PCDH15: variants seen among roughly 807,000 people sequenced by gnomAD.
The protein encoded by PCDH15 is protocadherin related 15.
In PCDH15, 129 loss-of-function variants were observed where a neutral mutation model predicts 178.5. The ratio of observed to expected loss-of-function variants is 0.72; its 90% CI spans 0.63 to 0.84. PCDH15 has a LOEUF of 0.84. PCDH15 is among the 40% of genes least tolerant of loss of function. The pLI, the probability that PCDH15 is intolerant of heterozygous loss-of-function variation, is 0.00. For missense variants in PCDH15, 2,230 were observed against 2,099.9 expected (o/e 1.06, Z -1.21); for synonymous variants, 800 against 732.0 (o/e 1.09, Z -1.50).
chr10:55,277,386 G>A (rs565151846), intron 1 of PCDH15, among the ~76,000 whole-genome samples: 1 of 151,948 alleles, frequency 6.6e-6, no homozygotes, highest in African/African-American at 2.4e-5. Context: ...AAGAGGAATG[G>A]TTTCTGAAAT....
At chr10:55,440,576 G>T (rs1285335630) in intron 2 of PCDH15, among the ~76,000 whole-genome samples, 1 of 152,102 alleles carries the variant, frequency 6.6e-6, no homozygotes, top group Admixed American at 6.6e-5. Flanking sequence ...CAGAAAAGAA[G>T]TCAGAAATGT....
intron 1 of PCDH15, among the ~76,000 whole-genome samples, chr10:55,314,958 A>G (rs182178075): frequency 6.6e-6 from 1 of 152,268 alleles, no homozygotes; most frequent in Non-Finnish European, 1.5e-5. Flanking sequence ...AACATACTAT[A>G]AATACCTGGT....
At chr10:54,404,887 G>A (rs1184788905) in intron 3 of PCDH15, among the ~76,000 whole-genome samples, 1 of 151,896 alleles carries the variant, frequency 6.6e-6, no homozygotes, top group African/African-American at 2.4e-5. Context: ...ACAAGCGTAT[G>A]GAAAAAAATC....
chr10:53,956,125 T>C (rs1242323613), intron 23 of PCDH15, among the ~76,000 whole-genome samples: 3 of 152,182 alleles, frequency 2.0e-5, no homozygotes, highest in Non-Finnish European at 4.4e-5. Context: ...TGGAAACTAA[T>C]AAAATGTTGA....
At chr10:54,931,437 C>G (rs1837773429) in intron 2 of PCDH15, among the ~76,000 whole-genome samples, 1 of 152,192 alleles carries the variant, frequency 6.6e-6, no homozygotes, top group African/African-American at 2.4e-5. Context: ...CTACTCCACA[C>G]TAGTGGGCAA....
chr10:54,739,868 A>G (rs1944567298), intron 1 of PCDH15, among the ~76,000 whole-genome samples: 1 of 152,100 alleles, frequency 6.6e-6, no homozygotes, highest in Non-Finnish European at 1.5e-5. Flanking sequence ...CTCTTACTAC[A>G]TACAAAAATC....
intron 21 of PCDH15, among the ~76,000 whole-genome samples, chr10:53,983,161 T>C (rs2090809353): frequency 6.6e-6 from 1 of 152,060 alleles, no homozygotes; most frequent in African/African-American, 2.4e-5. Context: ...TCACAAAATC[T>C]CCCAAGTATG....
chr10:54,971,383 A>G (rs1244330158), intron 2 of PCDH15, among the ~76,000 whole-genome samples: 2 of 152,116 alleles, frequency 1.3e-5, no homozygotes, highest in African/African-American at 4.8e-5. Flanking sequence ...CTGCAGGGAC[A>G]TGTCAAAAAA....
intron 22 of PCDH15, among the ~76,000 whole-genome samples, chr10:53,960,914 C>A (rs1184548645): frequency 6.6e-6 from 1 of 152,120 alleles, no homozygotes; most frequent in Admixed American, 6.6e-5. Context: ...TGTTCAAACA[C>A]TTAATAAAAT....
chr10:54,221,464 T>C (rs969679096), intron 9 of PCDH15, among the ~76,000 whole-genome samples: 5 of 152,184 alleles, frequency 3.3e-5, no homozygotes, highest in Admixed American at 1.3e-4. Flanking sequence ...ATAGTAAGCC[T>C]ATCCATAATT....
At chr10:54,170,232 TCCGA>T (rs1412664569) in intron 13 of PCDH15, among the ~76,000 whole-genome samples, 2 of 144,534 alleles carry the variant, frequency 1.4e-5, no homozygotes, top group African/African-American at 5.3e-5. Flanking sequence ...GCCAATCGTG[TCCGA>T]CTGATCTCTC....
chr10:55,434,611 A>ATTT (rs5785130), intron 2 of PCDH15, among the ~76,000 whole-genome samples: 5 of 148,398 alleles, frequency 3.4e-5, no homozygotes, highest in African/African-American at 9.9e-5. Context: ...CATGACATTA[A>ATTT]TTTTTTTTTT....
intron 1 of PCDH15, among the ~76,000 whole-genome samples, chr10:54,686,881 A>T (rs2095022015): frequency 6.6e-6 from 1 of 152,286 alleles, no homozygotes; most frequent in Non-Finnish European, 1.5e-5. Context: ...TGTATATTTG[A>T]TAAAGGTTTG....
chr10:55,504,728 A>AT (rs1840725851), intron 2 of PCDH15, among the ~76,000 whole-genome samples: 1 of 151,420 alleles, frequency 6.6e-6, no homozygotes, highest in Admixed American at 6.6e-5. Flanking sequence ...TAATATTTTC[A>AT]TATTATACTG....
intron 3 of PCDH15, among the ~76,000 whole-genome samples, chr10:54,876,208 A>G (rs1374757037): frequency 1.3e-5 from 2 of 152,130 alleles, no homozygotes; most frequent in Non-Finnish European, 2.9e-5. Flanking sequence ...TGGTTTACTG[A>G]ATACTTTCAG....
chr10:54,818,447 G>T (rs1952982549), intron 3 of PCDH15, among the ~76,000 whole-genome samples: 1 of 151,924 alleles, frequency 6.6e-6, no homozygotes, highest in East Asian at 1.9e-4. Flanking sequence ...CTCTTTCCTT[G>T]AATCTATGCT....
At chr10:54,938,959 G>T (rs543502430) in intron 2 of PCDH15, among the ~76,000 whole-genome samples, 1 of 152,096 alleles carries the variant, frequency 6.6e-6, no homozygotes, top group Non-Finnish European at 1.5e-5. Context: ...TTTTAAACAA[G>T]ACCTAACAAA....
chr10:54,846,479 T>G (rs1953518487), intron 3 of PCDH15, among the ~76,000 whole-genome samples: 1 of 152,092 alleles, frequency 6.6e-6, no homozygotes, highest in African/African-American at 2.4e-5. Flanking sequence ...TCTACATTTT[T>G]GAAGGTTTTT....
At chr10:54,532,175 G>C (rs16913812) in intron 2 of PCDH15, among the ~76,000 whole-genome samples, 28,692 of 152,052 alleles carry the variant, frequency 0.19, 2,998 homozygotes, top group East Asian at 0.31. Flanking sequence ...TTTAAGCAGA[G>C]TGATCTTTAT....
Sources: gnomAD v4.1 joint callset for allele counts (sites outside exome capture counted in the v4.1 genomes callset) on GRCh38, gnomAD v4.1.1 for gene constraint, MANE v1.5 for transcripts, NCBI Gene and HGNC (gene_info 2026-07-23, HGNC 2026-07-21) for gene names.